Variants in SH2D1A observed in about 807,000 individuals in gnomAD.
SH2D1A encodes SH2 domain containing 1A, also known as SH2 domain-containing protein 1A.
A neutral mutation model predicts 10.1 loss-of-function variants in SH2D1A; 6 were observed. The observed-to-expected ratio is 0.60, with a 90% confidence interval of 0.33 to 1.18. The LOEUF (loss-of-function observed/expected upper bound fraction) is 1.18. SH2D1A is among the 50% of genes most tolerant of loss of function. The pLI is 0.04. For missense variants in SH2D1A, 51 were observed against 97.6 expected (o/e 0.52, Z 2.01); for synonymous variants, 42 against 36.9 (o/e 1.14, Z -0.51).
chrX:124,353,593 C>T (rs1392021051), intron 1 of SH2D1A, among the ~76,000 whole-genome samples: 1 of 111,126 alleles, frequency 9.0e-6, no homozygotes, highest in African/African-American at 3.3e-5. Context: ...TCAATGTAGA[C>T]AGCCATTGGG....
intron 2 of SH2D1A, among the ~76,000 whole-genome samples, chrX:124,366,220 A>G (rs1347207224): frequency 7.2e-5 from 8 of 111,281 alleles, no homozygotes; most frequent in African/African-American, 2.6e-4. Flanking sequence ...AGACTACAAT[A>G]TACTTGGGAA....
intron 2 of SH2D1A, among the ~76,000 whole-genome samples, chrX:124,368,523 GTA>G (rs2060061579): frequency 1.8e-5 from 2 of 112,208 alleles, no homozygotes; most frequent in South Asian, 7.4e-4. Flanking sequence ...CTTTAGGTGT[GTA>G]TAGTTTTTCT....
chrX:124,366,332 T>A (rs947488084), intron 2 of SH2D1A, among the ~76,000 whole-genome samples: 1 of 111,399 alleles, frequency 9.0e-6, no homozygotes, highest in Non-Finnish European at 1.9e-5. Context: ...CTGATAGGTC[T>A]ATGATCTTGG....
At position 124,347,006 on chromosome X, in the gene SH2D1A, G is replaced by A. The variant is rs777513496; in HGVS notation, c.137+227G>A. Among the ~76,000 whole-genome samples the A allele has an allele frequency of 4.5e-5, 5 of 111,612 alleles. No homozygotes were observed. In the East Asian group the frequency reaches 1.1e-3, roughly 25 times the overall value. On this transcript the variant is annotated intron_variant, in intron 1 of 3. Transcript: ENST00000371139. ...CCCTGGGCCTCCTGCTCTCCAGAAG[G>A]CCCTCACCAGAGCCTTTTGGGGCAG...
intron 1 of SH2D1A, among the ~76,000 whole-genome samples, chrX:124,361,925 G>A (rs1340080387): frequency 9.0e-6 from 1 of 111,672 alleles, no homozygotes; most frequent in African/African-American, 3.3e-5. Context: ...TGCAATAAAT[G>A]AGGAAGCTTG....
intron 1 of SH2D1A, among the ~76,000 whole-genome samples, chrX:124,358,504 A>G (rs1336006612): frequency 1.8e-5 from 2 of 112,575 alleles, no homozygotes; most frequent in Non-Finnish European, 3.7e-5. Context: ...CTGGTTTATA[A>G]TAGAAGCTAT....
At chrX:124,366,013 C>T (rs1415327684) in intron 2 of SH2D1A, among the ~76,000 whole-genome samples, 189 bp downstream of exon 2, 1 of 111,180 alleles carries the variant, frequency 9.0e-6, no homozygotes, top group Non-Finnish European at 1.9e-5. Flanking sequence ...CCTGTTTAGC[C>T]ATCATTTTGC....
chrX:124,357,645 C>T (rs1480675435), intron 1 of SH2D1A, among the ~76,000 whole-genome samples: 1 of 111,586 alleles, frequency 9.0e-6, no homozygotes, highest in Non-Finnish European at 1.9e-5. Flanking sequence ...TGCATCCTCT[C>T]TTGTTGTCTT....
chrX:124,355,104 G>T (rs192413639), intron 1 of SH2D1A, among the ~76,000 whole-genome samples: 1 of 112,776 alleles, frequency 8.9e-6, no homozygotes, highest in South Asian at 3.6e-4. Context: ...TCGTATAGAC[G>T]TAGAGGGCAT....
At chrX:124,348,543 CAT>C (rs920471198) in intron 1 of SH2D1A, among the ~76,000 whole-genome samples, 12 of 111,637 alleles carry the variant, frequency 1.1e-4, no homozygotes, top group African/African-American at 3.9e-4. Context: ...CTTCAGTTCA[CAT>C]GTTTGTTCAA....
At chrX:124,353,494 T>A (rs1208960355) in intron 1 of SH2D1A, among the ~76,000 whole-genome samples, 1 of 110,816 alleles carries the variant, frequency 9.0e-6, no homozygotes, top group Non-Finnish European at 1.9e-5. Context: ...GTTTTTTTTT[T>A]AAGTTTATTC....
rs1412560004 is a variant in SH2D1A at position 124,347,884 on chromosome X, T to TA, written c.137+1116dup. 3.7e-3 allele frequency among the ~76,000 whole-genome samples: 389 copies of TA among 104,755 alleles called. 2 individuals carry two copies. The highest frequency in any genetic ancestry group is 0.012 in the African/African-American group (340 of 28,982). 91.0% of individuals were successfully genotyped at this position (104,755 alleles called of 115,157 possible). ...AGCTCAGGCATTATTGTCAGCAGGA[T>TA]AAAAAAAAAAATCCATGAAAACAGC... On this transcript the variant is annotated intron_variant, in intron 1 of 3. Transcript: ENST00000371139.
At chrX:124,364,231 T>C (rs750417462) in intron 1 of SH2D1A, among the ~76,000 whole-genome samples, 1 of 111,008 alleles carries the variant, frequency 9.0e-6, no homozygotes, top group South Asian at 3.9e-4. Flanking sequence ...ACAGTGATAC[T>C]GATGATCCTG....
At chrX:124,366,371 G>C (rs1011173414) in intron 2 of SH2D1A, among the ~76,000 whole-genome samples, 5 of 110,871 alleles carry the variant, frequency 4.5e-5, no homozygotes, top group African/African-American at 6.6e-5. Context: ...CTGTGAGCCA[G>C]TTTCTTCATT....
chrX:124,353,642 C>T (rs774299637), intron 1 of SH2D1A, among the ~76,000 whole-genome samples: 10 of 111,225 alleles, frequency 9.0e-5, no homozygotes, highest in Non-Finnish European at 1.1e-4. Flanking sequence ...GGTGATAAGA[C>T]GAGAACTAAT....
intron 3 of SH2D1A, among the ~76,000 whole-genome samples, chrX:124,370,541 T>A (rs985163189): frequency 8.9e-6 from 1 of 112,330 alleles, no homozygotes; most frequent in Non-Finnish European, 1.9e-5. Flanking sequence ...AAAAATTCTA[T>A]AAGCCCATAA....
intron 1 of SH2D1A, among the ~76,000 whole-genome samples, chrX:124,350,705 A>T (rs1569527230): frequency 5.0e-4 from 11 of 22,188 alleles, no homozygotes; most frequent in African/African-American, 1.4e-3. Flanking sequence ...ATATAAGATA[A>T]TATATTATAT....
chrX:124,358,449 A>G (rs2060031302), intron 1 of SH2D1A, among the ~76,000 whole-genome samples: 1 of 112,160 alleles, frequency 8.9e-6, no homozygotes, highest in Non-Finnish European at 1.9e-5. Flanking sequence ...TTTTGTTTGA[A>G]AAGGCATATT....
rs764986916 is a variant in SH2D1A, at chrX:124,371,339, A to G, written c.347-12A>G. 6 of 1,136,714 alleles carry G rather than the reference A, an allele frequency of 5.3e-6. No individual in the cohort carries two copies. The South Asian group carries it at 7.5e-5, about 14-fold the overall frequency. 93.7% of individuals were successfully genotyped at this position (1,136,714 alleles called of 1,213,427 possible). A position where few individuals can be genotyped will look rare whatever the true frequency, so the allele number is the denominator to read the frequency against. ...AGTTTATTTTTTCTTGATTTTTGTT[A>G]TTTTTCTTTAGGGATAAGAGAAGAT... On this transcript the variant is annotated splice_polypyrimidine_tract_variant and intron_variant, in intron 3 of 3. Transcript: ENST00000371139.
Sources: allele counts gnomAD v4.1 joint callset (sites outside exome capture counted in the v4.1 genomes callset), GRCh38; gene constraint gnomAD v4.1.1; transcripts MANE v1.5; gene names NCBI Gene and HGNC (gene_info 2026-07-23, HGNC 2026-07-21).